PRKCE: variants seen among roughly 807,000 people sequenced by gnomAD.
The protein encoded by PRKCE is protein kinase C epsilon.
PRKCE carries 16 observed loss-of-function variants against 85.4 expected under a neutral mutation model. That is an observed-to-expected ratio of 0.19 (90% CI 0.13 to 0.28). PRKCE has a LOEUF of 0.28. Ranked by LOEUF, PRKCE falls within the 10% of genes least tolerant of loss-of-function variation. The pLI is 1.00. For synonymous variants in PRKCE, 388 were observed against 371.5 expected (o/e 1.04, Z -0.51); for missense variants, 573 against 975.2 (o/e 0.59, Z 5.49).
intron 2 of PRKCE, among the ~76,000 whole-genome samples, chr2:45,911,517 A>G (rs1359129068): frequency 6.6e-6 from 1 of 152,152 alleles, no homozygotes; most frequent in Non-Finnish European, 1.5e-5. Context: ...TTTCCCCTGA[A>G]CCCTAGAGAC....
At chr2:46,080,328 A>G (rs906785859) in intron 10 of PRKCE, among the ~76,000 whole-genome samples, 2 of 144,808 alleles carry the variant, frequency 1.4e-5, no homozygotes, top group Admixed American at 1.4e-4. Context: ...AACACCCTTA[A>G]TGTGTAAAAA....
chr2:46,163,109 T>C (rs1250774704), intron 14 of PRKCE, among the ~76,000 whole-genome samples: 1 of 152,222 alleles, frequency 6.6e-6, no homozygotes, highest in Non-Finnish European at 1.5e-5. Context: ...CCCGGGGATG[T>C]GGGTGCCTGC....
intron 14 of PRKCE, among the ~76,000 whole-genome samples, chr2:46,166,347 G>C (rs1252154407): frequency 1.3e-5 from 2 of 152,246 alleles, no homozygotes; most frequent in Non-Finnish European, 2.9e-5. Context: ...GAGCAAGGCT[G>C]AGTTCTGCAG....
At chr2:45,846,819 G>T (rs1189202400) in intron 2 of PRKCE, among the ~76,000 whole-genome samples, 1 of 152,184 alleles carries the variant, frequency 6.6e-6, no homozygotes, top group Non-Finnish European at 1.5e-5. Context: ...GTAGGTGCTA[G>T]GCCAGGATTG....
chr2:46,086,484 G>A (rs1324180587), intron 11 of PRKCE, 122 bp downstream of exon 11: 6 of 1,220,952 alleles, frequency 4.9e-6, no homozygotes, highest in Non-Finnish European at 6.7e-6. Flanking sequence ...TTAGTTGTTT[G>A]TTCCAATTTG....
At position 46,149,711 on chromosome 2, in the gene PRKCE, ATT is replaced by A. The variant is rs1400770540; in HGVS notation, c.1732-1326_1732-1325del. 7.8e-5 allele frequency among the ~76,000 whole-genome samples: 10 copies of A among 127,744 alleles called. No individual in the cohort carries two copies. In the South Asian group the frequency reaches 1.1e-3, roughly 14 times the overall value. The allele number at this position is 127,744 out of a possible 152,430, so 83.8% of individuals were successfully genotyped here. A position where few individuals can be genotyped will look rare whatever the true frequency, so the allele number is the denominator to read the frequency against. ...GTCATCTCCATATATATATATATGTATTTTTATATATATGTATTTATATATAT... is the reference window on the plus strand; with the variant it reads ...GTCATCTCCATATATATATATATGTATTTATATATATGTATTTATATATAT... On this transcript the variant is annotated intron_variant, in intron 12 of 14. Coordinates refer to ENST00000306156, the MANE Select transcript of PRKCE (RefSeq NM_005400.3).
At chr2:45,679,205 G>T (rs1158093660) in intron 1 of PRKCE, among the ~76,000 whole-genome samples, 3 of 152,126 alleles carry the variant, frequency 2.0e-5, no homozygotes, top group Non-Finnish European at 4.4e-5. Context: ...AATAGAATCT[G>T]CCCCAGGACT....
At chr2:46,178,563 C>CT (rs1679662787) in intron 14 of PRKCE, among the ~76,000 whole-genome samples, 1 of 152,132 alleles carries the variant, frequency 6.6e-6, no homozygotes, top group Non-Finnish European at 1.5e-5. Context: ...CACATATATT[C>CT]TTTTAATTCG....
chr2:46,126,721 G>A (rs1459969280), intron 11 of PRKCE, among the ~76,000 whole-genome samples: 1 of 152,116 alleles, frequency 6.6e-6, no homozygotes, highest in East Asian at 1.9e-4. Context: ...TATGGTAAGG[G>A]ATTGACAACT....
intron 11 of PRKCE, among the ~76,000 whole-genome samples, chr2:46,144,692 A>C (rs530905384): frequency 2.6e-5 from 4 of 152,076 alleles, no homozygotes; most frequent in African/African-American, 9.7e-5. Flanking sequence ...TGATGTCCCT[A>C]TGTGTCATGC....
intron 10 of PRKCE, among the ~76,000 whole-genome samples, chr2:46,070,632 G>A (rs1437056105): frequency 7.1e-6 from 1 of 141,126 alleles, no homozygotes; most frequent in African/African-American, 2.7e-5. Context: ...GACAGAGCAA[G>A]ACTCCGTCTC....
At chr2:45,699,979 C>T (rs1158438726) in intron 1 of PRKCE, among the ~76,000 whole-genome samples, 1 of 151,904 alleles carries the variant, frequency 6.6e-6, no homozygotes, top group East Asian at 1.9e-4. Context: ...CTCTGGTTTT[C>T]CTGTGATTTC....
intron 2 of PRKCE, among the ~76,000 whole-genome samples, chr2:45,880,296 T>C (rs1694784946): frequency 6.6e-6 from 1 of 152,246 alleles, no homozygotes; most frequent in African/African-American, 2.4e-5. Context: ...ATTCCATATC[T>C]TGGCCATTGT....
chr2:45,684,157 C>T (rs1340041073), intron 1 of PRKCE, among the ~76,000 whole-genome samples: 1 of 152,202 alleles, frequency 6.6e-6, no homozygotes. Flanking sequence ...TGTCTCTCTA[C>T]CTCATTGAAA....
At chr2:46,180,825 T>C (rs1490489128) in intron 14 of PRKCE, among the ~76,000 whole-genome samples, 2 of 152,176 alleles carry the variant, frequency 1.3e-5, no homozygotes, top group Non-Finnish European at 2.9e-5. Flanking sequence ...CTTCACAGCG[T>C]CAATAACCAG....
intron 2 of PRKCE, among the ~76,000 whole-genome samples, chr2:45,965,705 A>G (rs1701686225): frequency 6.6e-6 from 1 of 152,232 alleles, no homozygotes; most frequent in African/African-American, 2.4e-5. Context: ...CACATGATAA[A>G]CATTTTTAGG....
At chr2:45,848,159 C>T (rs534221875) in intron 2 of PRKCE, among the ~76,000 whole-genome samples, 49 of 152,288 alleles carry the variant, frequency 3.2e-4, no homozygotes, top group African/African-American at 1.0e-3. Flanking sequence ...TACATATCGA[C>T]GGGTTCTCTC....
intron 10 of PRKCE, among the ~76,000 whole-genome samples, chr2:46,021,555 A>G (rs1706662127): frequency 6.6e-6 from 1 of 151,986 alleles, no homozygotes; most frequent in African/African-American, 2.4e-5. Flanking sequence ...AGCACTTAGA[A>G]ACTGTCAATT....
chr2:45,734,336 T>G (rs1428993067), intron 1 of PRKCE, among the ~76,000 whole-genome samples: 1 of 149,148 alleles, frequency 6.7e-6, no homozygotes, highest in Admixed American at 6.7e-5. Context: ...CTGCACTCCA[T>G]CCTGGCAATA....
Sources: allele counts gnomAD v4.1 joint callset (sites outside exome capture counted in the v4.1 genomes callset), GRCh38; gene constraint gnomAD v4.1.1; transcripts MANE v1.5; gene names NCBI Gene and HGNC (gene_info 2026-07-23, HGNC 2026-07-21).